Variants in GRIK1 observed in about 807,000 individuals in gnomAD.
GRIK1 encodes the protein glutamate ionotropic receptor kainate type subunit 1, also known as glutamate receptor ionotropic, kainate 1.
Under a neutral mutation model 105.7 loss-of-function variants are expected in GRIK1, and 69 were observed. The observed-to-expected ratio is 0.65, with a 90% CI of 0.54 to 0.80. The LOEUF (loss-of-function observed/expected upper bound fraction) is 0.80. Ranked by LOEUF, GRIK1 falls within the 30% of genes least tolerant of loss-of-function variation. The pLI is 0.00. For missense variants in GRIK1, 1,109 were observed against 1,167.3 expected, an observed-to-expected ratio of 0.95 and a Z score of 0.73; for synonymous variants, 438 against 431.3, an observed-to-expected ratio of 1.02 and a Z score of -0.19.
intron 1 of GRIK1, among the ~76,000 whole-genome samples, chr21:29,699,764 T>C (rs1329940777): frequency 6.6e-6 from 1 of 151,894 alleles, no homozygotes; most frequent in African/African-American, 2.4e-5. Context: ...TTCTCCTGCC[T>C]CAGCCTCCCT....
intron 14 of GRIK1, among the ~76,000 whole-genome samples, chr21:29,573,400 C>T (rs1046024656): frequency 6.6e-6 from 1 of 152,128 alleles, no homozygotes; most frequent in Non-Finnish European, 1.5e-5. Context: ...AAGGAGAACC[C>T]GCTCTTTTTA....
chr21:29,590,395 AG>A (rs974193720), intron 10 of GRIK1, among the ~76,000 whole-genome samples: 1 of 152,230 alleles, frequency 6.6e-6, no homozygotes, highest in African/African-American at 2.4e-5. Flanking sequence ...GAAAGGAAAA[AG>A]CGGAAAATAA....
intron 4 of GRIK1, among the ~76,000 whole-genome samples, chr21:29,661,114 C>T (rs937570495): frequency 1.2e-4 from 18 of 152,252 alleles, no homozygotes; most frequent in East Asian, 5.8e-4. Context: ...AGTCTTTAGA[C>T]CAGTGTTTAT....
At chr21:29,572,958 G>C (rs528569239) in intron 14 of GRIK1, among the ~76,000 whole-genome samples, 1 of 151,832 alleles carries the variant, frequency 6.6e-6, no homozygotes, top group Non-Finnish European at 1.5e-5. Context: ...TTTTTAGTAG[G>C]GACGGGGTTT....
At chr21:29,901,908 T>G (rs892741089) in intron 1 of GRIK1, among the ~76,000 whole-genome samples, 5 of 141,132 alleles carry the variant, frequency 3.5e-5, no homozygotes, top group African/African-American at 1.4e-4. Context: ...AATAAAATAC[T>G]GGCAAACCAA....
intron 1 of GRIK1, among the ~76,000 whole-genome samples, chr21:29,850,378 C>G (rs1203620353): frequency 6.6e-6 from 1 of 152,164 alleles, no homozygotes. Flanking sequence ...CGATGTGTGG[C>G]TCTGGGTGTT....
chr21:29,697,902 T>TTTTC (rs998596091), intron 1 of GRIK1, among the ~76,000 whole-genome samples: 22 of 147,058 alleles, frequency 1.5e-4, no homozygotes, highest in South Asian at 1.3e-3. Context: ...TTCCTTTCTC[T>TTTTC]TTTCTTTCTT....
chr21:29,630,529 T>C (rs1487686054), intron 7 of GRIK1: 1 of 471,746 alleles, frequency 2.1e-6, no homozygotes, highest in Non-Finnish European at 4.4e-6. Flanking sequence ...TGCTCTCTTC[T>C]GGTCTTAAGG....
chr21:29,861,121 GAT>G (rs965560581), intron 1 of GRIK1, among the ~76,000 whole-genome samples: 16 of 151,604 alleles, frequency 1.1e-4, no homozygotes, highest in African/African-American at 3.9e-4. Flanking sequence ...GGAAATAAGA[GAT>G]AGTTTTATGT....
At chr21:29,930,327 G>T (rs961328627) in intron 1 of GRIK1, among the ~76,000 whole-genome samples, 1 of 152,110 alleles carries the variant, frequency 6.6e-6, no homozygotes, top group East Asian at 1.9e-4. Context: ...TCTGTTTACG[G>T]ATTACTAAAG....
rs374262938 is a variant in GRIK1 at position 29,781,600 on chromosome 21, A to AT, written c.119-87538dup. The stretch of plus-strand genomic sequence containing the variant: ...TTGTTGTTTTACAGATATCTTTCTG[A>AT]TTTTTTTTTTTCTCAGCACTATCCC... On this transcript the variant is annotated intron_variant, in intron 1 of 17. Transcript: ENST00000327783. 2.7e-3 allele frequency among the ~76,000 whole-genome samples: 278 copies of AT among 103,952 alleles called. 2 individuals carry two copies. Among genetic ancestry groups the AT allele is most frequent in the African/African-American group, 7.1e-3 (205 of 29,068 alleles). The allele number at this position is 103,952 out of a possible 152,430, so 68.2% of individuals were successfully genotyped here. A position where few individuals can be genotyped will look rare whatever the true frequency, so the allele number is the denominator to read the frequency against.
chr21:29,618,673 T>A (rs1439306547), intron 7 of GRIK1, among the ~76,000 whole-genome samples: 3 of 152,230 alleles, frequency 2.0e-5, no homozygotes, highest in Non-Finnish European at 4.4e-5. Flanking sequence ...AATGGAATAC[T>A]ACTCAGCCAT....
chr21:29,776,140 T>A (rs2065938066), intron 1 of GRIK1, among the ~76,000 whole-genome samples: 1 of 152,100 alleles, frequency 6.6e-6, no homozygotes, highest in Admixed American at 6.6e-5. Flanking sequence ...ATAGGGGAAA[T>A]TGCCTCAATG....
intron 7 of GRIK1, among the ~76,000 whole-genome samples, chr21:29,608,632 C>G (rs1305669883): frequency 6.6e-6 from 1 of 152,114 alleles, no homozygotes; most frequent in Non-Finnish European, 1.5e-5. Flanking sequence ...ATGTCATCGT[C>G]TCAGACACTT....
At chr21:29,560,952 A>G (rs905985919) in intron 15 of GRIK1, among the ~76,000 whole-genome samples, 3 of 152,120 alleles carry the variant, frequency 2.0e-5, no homozygotes, top group Non-Finnish European at 2.9e-5. Flanking sequence ...TTTTCTATGG[A>G]AAGGAAATCA....
chr21:29,620,418 A>T (rs574823776), intron 7 of GRIK1, among the ~76,000 whole-genome samples: 41 of 152,266 alleles, frequency 2.7e-4, no homozygotes, highest in African/African-American at 9.6e-4. Flanking sequence ...CAGAATTGGC[A>T]GCCAATCAAG....
chr21:29,837,786 C>G (rs770048619), intron 1 of GRIK1, among the ~76,000 whole-genome samples: 4 of 152,196 alleles, frequency 2.6e-5, no homozygotes, highest in Non-Finnish European at 4.4e-5. Flanking sequence ...AACAGTGCCA[C>G]TGTTCCACAT....
intron 1 of GRIK1, among the ~76,000 whole-genome samples, chr21:29,858,252 C>G (rs1467822057): frequency 2.6e-5 from 4 of 152,148 alleles, no homozygotes; most frequent in African/African-American, 9.7e-5. Context: ...TTCCTCTGCT[C>G]TCTCTGAGAA....
At chr21:29,589,200 CA>C (rs1275454708) in intron 10 of GRIK1, among the ~76,000 whole-genome samples, 158 bp from the exon 11 acceptor site, 1 of 152,152 alleles carries the variant, frequency 6.6e-6, no homozygotes, top group Non-Finnish European at 1.5e-5. Context: ...TCTATAAATA[CA>C]AAACACTTCC....
Sources: allele counts gnomAD v4.1 joint callset (sites outside exome capture counted in the v4.1 genomes callset), GRCh38; gene constraint gnomAD v4.1.1; transcripts MANE v1.5; gene names NCBI Gene and HGNC (gene_info 2026-07-23, HGNC 2026-07-21).